SVIL: variants seen among roughly 807,000 people sequenced by gnomAD.
SVIL encodes the protein archvillin.
In SVIL, 101 loss-of-function variants were observed where a neutral mutation model predicts 240.4. That is an observed-to-expected ratio of 0.42 (90% confidence interval 0.36 to 0.50). The LOEUF (loss-of-function observed/expected upper bound fraction) is 0.50, where lower values mean the gene tolerates loss of function less well. SVIL is among the 20% of genes least tolerant of loss of function. SVIL has a pLI of 0.01. For missense variants in SVIL, 2,512 were observed against 2,818.7 expected, an observed-to-expected ratio of 0.89 and a Z score of 2.46; for synonymous variants, 999 against 1,100.0, an observed-to-expected ratio of 0.91 and a Z score of 1.82.
intron 16 of SVIL, among the ~76,000 whole-genome samples, chr10:29,518,339 G>A (rs913569774): frequency 3.9e-5 from 6 of 152,100 alleles, no homozygotes; most frequent in African/African-American, 1.2e-4. Flanking sequence ...AGTGAGCCAA[G>A]ATCGTGTCAC....
chr10:29,524,996 C>T (rs190141296), intron 13 of SVIL, among the ~76,000 whole-genome samples: 13 of 152,074 alleles, frequency 8.5e-5, no homozygotes, highest in Non-Finnish European at 1.6e-4. Context: ...CTTGGCTATA[C>T]CTTATCTTAG....
intron 1 of SVIL, among the ~76,000 whole-genome samples, chr10:29,691,382 T>G (rs1362495468): frequency 1.3e-5 from 2 of 151,988 alleles, no homozygotes; most frequent in African/African-American, 2.4e-5. Flanking sequence ...CGGCTAATTT[T>G]TTGTATTTTT....
chr10:29,640,420 T>C (rs949314984), intron 3 of SVIL, among the ~76,000 whole-genome samples: 2 of 152,188 alleles, frequency 1.3e-5, no homozygotes, highest in Non-Finnish European at 1.5e-5. Context: ...AATGTCCATA[T>C]GTTTCCCAGG....
intron 2 of SVIL, among the ~76,000 whole-genome samples, chr10:29,658,902 A>G (rs1959079957): frequency 6.6e-6 from 1 of 152,150 alleles, no homozygotes; most frequent in Non-Finnish European, 1.5e-5. Flanking sequence ...AGAAAAAGAC[A>G]TGCTGGGTGG....
At chr10:29,641,297 G>T (rs374874655) in intron 3 of SVIL, among the ~76,000 whole-genome samples, 2 of 152,120 alleles carry the variant, frequency 1.3e-5, no homozygotes, top group Non-Finnish European at 2.9e-5. Context: ...TAGGCTGGGC[G>T]TGGTAGGTCT....
intron 1 of SVIL, among the ~76,000 whole-genome samples, chr10:29,584,940 C>G (rs954483236): frequency 1.3e-5 from 2 of 152,182 alleles, no homozygotes; most frequent in African/African-American, 2.4e-5. Flanking sequence ...TGCTCCATCA[C>G]CCAGGCTAGA....
chr10:29,596,978 C>G (rs1488348513), intron 1 of SVIL, among the ~76,000 whole-genome samples: 1 of 152,148 alleles, frequency 6.6e-6, no homozygotes, highest in African/African-American at 2.4e-5. Flanking sequence ...TAGACATGGG[C>G]AGGGCAGGAG....
intron 29 of SVIL, among the ~76,000 whole-genome samples, chr10:29,480,239 A>G (rs1256230936): frequency 6.6e-6 from 1 of 152,248 alleles, no homozygotes. Context: ...TCTCTTTCCC[A>G]GAAAAGCTCT....
intron 1 of SVIL, among the ~76,000 whole-genome samples, chr10:29,612,479 G>A (rs1395638707): frequency 6.6e-6 from 1 of 152,060 alleles, no homozygotes; most frequent in African/African-American, 2.4e-5. Context: ...TCACTTGCAC[G>A]CTGATAAAGG....
chr10:29,719,022 T>C (rs1274375309), intron 1 of SVIL, among the ~76,000 whole-genome samples: 1 of 152,022 alleles, frequency 6.6e-6, no homozygotes, highest in Non-Finnish European at 1.5e-5. Flanking sequence ...GCAGGAGAAT[T>C]GCTTAAACCC....
chr10:29,550,302 C>T (rs544350576), intron 6 of SVIL, among the ~76,000 whole-genome samples: 10 of 151,674 alleles, frequency 6.6e-5, no homozygotes, highest in African/African-American at 1.2e-4. Flanking sequence ...ATTAGCCGGG[C>T]GTGGTGGCAT....
rs77401405 is a variant in SVIL at position 29,721,257 on chromosome 10, C to CA, written c.-400+14493dup. Among the ~76,000 whole-genome samples the CA allele has an allele frequency of 8.9e-4, 134 of 150,132 alleles. 2 individuals carry two copies. Among genetic ancestry groups the CA allele is most frequent in the African/African-American group, 2.3e-3 (95 of 40,998 alleles). On this transcript the variant is annotated intron_variant, in intron 1 of 35. Transcript: ENST00000375400. ...TTACAAAAACAAACAAACAAACAAA[C>CA]AAAAAAACACCTCAATCCAAAAGAA...
intron 26 of SVIL, among the ~76,000 whole-genome samples, chr10:29,485,310 A>C (rs936185456): frequency 6.6e-6 from 1 of 152,062 alleles, no homozygotes; most frequent in Non-Finnish European, 1.5e-5. Context: ...ATGGTGATAC[A>C]TACAGGAGGG....
rs368822475 is a variant in SVIL, at chr10:29,533,247, C to A, written c.1120G>T (p.Gly374Cys). Residue 374 changes from glycine (G) to cysteine (C), a missense_variant, in exon 8 of 38, where the codon GGT becomes TGT. Coordinates refer to ENST00000355867, the MANE Select transcript of SVIL (RefSeq NM_021738.3). ...IRGYVQPADT[G>C]HTAKLVTPET... is the part of the protein sequence containing the mutation. ...GGCGTCACTAGCTTGGCGGTGTGACCGGTATCTGCGGGTTGGACATAGCCA... is the reference window on the plus strand; with the variant it reads ...GGCGTCACTAGCTTGGCGGTGTGACAGGTATCTGCGGGTTGGACATAGCCA... 3.4e-5 allele frequency: 55 copies of A among 1,613,942 alleles called. No individual in the cohort carries two copies. The highest frequency in any genetic ancestry group is 4.5e-5 in the Non-Finnish European group (53 of 1,180,026).
At chr10:29,595,679 T>C (rs1956555835) in intron 1 of SVIL, among the ~76,000 whole-genome samples, 1 of 152,158 alleles carries the variant, frequency 6.6e-6, no homozygotes, top group Non-Finnish European at 1.5e-5. Context: ...GGAAAGTCTC[T>C]AGCATCAGTG....
chr10:29,569,226 TCA>T (rs1955254656), intron 2 of SVIL, 27 bp downstream of exon 2: 1 of 972,368 alleles, frequency 1.0e-6, no homozygotes, highest in South Asian at 4.8e-5. Context: ...CTTCAAAATT[TCA>T]CAGTTGTTGA....
intron 1 of SVIL, chr10:29,602,321 C>T (rs757919276): frequency 3.0e-5 from 16 of 533,422 alleles, no homozygotes; most frequent in African/African-American, 7.7e-5. Context: ...ACTGGGTTCA[C>T]CTTTAAGGGC....
rs141803922 is a variant in SVIL at position 29,520,417 on chromosome 10, T to C, written c.3389+1993A>G. 5.2e-3 allele frequency among the ~76,000 whole-genome samples: 799 copies of C among 152,294 alleles called. 8 individuals carry two copies. The highest frequency in any genetic ancestry group is 0.018 in the African/African-American group (765 of 41,556). Reference sequence around the variant, plus strand: ...TCAATAGGCCCAACTGCTTCCCCGATTGAAGACATCCCTCTCCTCATTGCA... The same window carrying C: ...TCAATAGGCCCAACTGCTTCCCCGACTGAAGACATCCCTCTCCTCATTGCA... On this transcript the variant is annotated intron_variant, in intron 16 of 37. Coordinates refer to ENST00000355867, the MANE Select transcript of SVIL (RefSeq NM_021738.3).
intron 33 of SVIL, among the ~76,000 whole-genome samples, chr10:29,466,872 G>A (rs991193995): frequency 6.6e-6 from 1 of 151,992 alleles, no homozygotes. Flanking sequence ...AATTTCAAAC[G>A]TTTTCTAGGC....
Sources: gnomAD v4.1 joint callset for allele counts (sites outside exome capture counted in the v4.1 genomes callset) on GRCh38, gnomAD v4.1.1 for gene constraint, MANE v1.5 for transcripts, NCBI Gene and HGNC (gene_info 2026-07-23, HGNC 2026-07-21) for gene names.